The following NCOA2 variants were observed in gnomAD, a reference collection of about 807,000 sequenced individuals.
NCOA2 encodes class E basic helix-loop-helix protein 75.
Under a neutral mutation model 145.1 loss-of-function variants are expected in NCOA2, and 21 were observed. The ratio of observed to expected loss-of-function variants is 0.14; its 90% CI spans 0.10 to 0.21. The LOEUF is 0.21. Among genes scored for constraint, NCOA2 ranks in the 10% least tolerant of loss-of-function variants. The pLI is 1.00. For synonymous variants in NCOA2, 619 were observed against 637.5 expected, an observed-to-expected ratio of 0.97 and a Z score of 0.44; for missense variants, 1,472 against 1,837.6, an observed-to-expected ratio of 0.80 and a Z score of 3.64.
upstream of NCOA2, among the ~76,000 whole-genome samples, chr8:70,407,443 T>C (rs930724354): frequency 1.3e-5 from 2 of 152,136 alleles, no homozygotes; most frequent in East Asian, 3.8e-4. Context: ...TCGCTGCATA[T>C]CTAAGATTGT....
chr8:70,290,648 A>C (rs1220875577), intron 2 of NCOA2, among the ~76,000 whole-genome samples: 1 of 152,162 alleles, frequency 6.6e-6, no homozygotes, highest in East Asian at 1.9e-4. Context: ...CTAGCAATAC[A>C]AGTCAAAATA....
chr8:70,412,662 A>AC, the NCOA2 span, among the ~76,000 whole-genome samples: 3 of 149,406 alleles, frequency 2.0e-5, no homozygotes, highest in Admixed American at 6.7e-5. Context: ...AAAAAAAAAA[A>AC]AAAAAAAAAC....
intron 11 of NCOA2, among the ~76,000 whole-genome samples, chr8:70,151,064 T>G (rs1329833035): frequency 6.6e-6 from 1 of 152,176 alleles, no homozygotes; most frequent in East Asian, 1.9e-4. Flanking sequence ...AGAAGCTCCA[T>G]GTGTGGGGGT....
At chr8:70,290,379 G>A (rs1457456858) in intron 2 of NCOA2, among the ~76,000 whole-genome samples, 8 of 151,828 alleles carry the variant, frequency 5.3e-5, no homozygotes, top group African/African-American at 1.7e-4. Flanking sequence ...TAGTAGACAC[G>A]GGGTTTCACC....
At chr8:70,197,392 A>ACCC (rs1274405589) in intron 4 of NCOA2, among the ~76,000 whole-genome samples, 3 of 152,080 alleles carry the variant, frequency 2.0e-5, no homozygotes, top group Non-Finnish European at 4.4e-5. Context: ...GCCAAGCTGG[A>ACCC]CCCCCACTGG....
At chr8:70,175,823 A>C (rs1023934181) in intron 4 of NCOA2, among the ~76,000 whole-genome samples, 7 of 152,248 alleles carry the variant, frequency 4.6e-5, no homozygotes, top group South Asian at 2.1e-4. Context: ...GAAAACTGTA[A>C]ATCAATTTAG....
chr8:70,231,497 C>A (rs1821129338), intron 2 of NCOA2, among the ~76,000 whole-genome samples: 1 of 152,192 alleles, frequency 6.6e-6, no homozygotes, highest in Admixed American at 6.5e-5. Flanking sequence ...GCTTTTGAAA[C>A]CATAGTTTTC....
At chr8:70,361,579 T>C (rs1184335322) in intron 1 of NCOA2, among the ~76,000 whole-genome samples, 1 of 152,236 alleles carries the variant, frequency 6.6e-6, no homozygotes, top group East Asian at 1.9e-4. Context: ...AACTCTTTAA[T>C]ATGCATAAAA....
intron 1 of NCOA2, among the ~76,000 whole-genome samples, chr8:70,381,502 G>A (rs12678300): frequency 0.11 from 15,982 of 152,166 alleles, 1,285 homozygotes; most frequent in East Asian, 0.41. Flanking sequence ...GGAACCCTAC[G>A]AAGGTATAAT....
intron 1 of NCOA2, among the ~76,000 whole-genome samples, chr8:70,368,894 T>G (rs149520143): frequency 1.3e-4 from 20 of 152,336 alleles, no homozygotes; most frequent in African/African-American, 4.6e-4. Flanking sequence ...TGGCTGCTTA[T>G]GTACTCTGTA....
chr8:70,229,286 T>C (rs936131636), intron 2 of NCOA2, among the ~76,000 whole-genome samples: 12 of 152,158 alleles, frequency 7.9e-5, no homozygotes, highest in Non-Finnish European at 1.8e-4. Flanking sequence ...TTTGATCTCA[T>C]GAAATGCAAG....
intron 1 of NCOA2, among the ~76,000 whole-genome samples, chr8:70,384,629 A>C (rs1326229602): frequency 6.6e-6 from 1 of 152,192 alleles, no homozygotes; most frequent in African/African-American, 2.4e-5. Flanking sequence ...TTCTTGGATT[A>C]TTTTCCATAT....
At chr8:70,157,917 A>C (rs976385907) in intron 10 of NCOA2, among the ~76,000 whole-genome samples, 2 of 152,218 alleles carry the variant, frequency 1.3e-5, no homozygotes, top group African/African-American at 4.8e-5. Context: ...TTGGGATCTT[A>C]TTCTTCTACT....
intron 1 of NCOA2, among the ~76,000 whole-genome samples, chr8:70,382,990 C>T (rs899883335): frequency 3.3e-4 from 50 of 152,268 alleles, no homozygotes; most frequent in African/African-American, 1.2e-3. Context: ...AATAAATGTT[C>T]CTATTTCAAG....
In NCOA2 at chr8:70,156,886, G is replaced by C. The variant is rs749988141; in HGVS notation, c.1479C>G (p.Ser493Arg). 1 of 1,614,016 alleles carries C rather than the reference G, an allele frequency of 6.2e-7. No homozygotes were observed. The highest frequency in any genetic ancestry group is 1.1e-5 in the South Asian group (1 of 91,080). The change falls in exon 11 of 23, where the codon AGC (serine) becomes AGG (arginine). Residue 493 changes from serine (S) to arginine (R), a missense_variant. Around this residue, in one of 4 missense-constraint regions of NCOA2, gnomAD observed 953 missense variants for 1,062.1 expected, o/e 0.90. Coordinates refer to ENST00000452400, the MANE Select transcript of NCOA2 (RefSeq NM_006540.4). ...TSMLSPRHRMSPGVAGSPRIP... is the reference protein window; with the variant it reads ...TSMLSPRHRMRPGVAGSPRIP... ...TTCGAGGGCTGCCAGCCACTCCAGGGCTCATGCGATGCCTTGGTGAAAGCA... is the reference window on the plus strand; with the variant it reads ...TTCGAGGGCTGCCAGCCACTCCAGGCCTCATGCGATGCCTTGGTGAAAGCA...
At chr8:70,260,928 C>T (rs957508535) in intron 2 of NCOA2, among the ~76,000 whole-genome samples, 20 of 152,144 alleles carry the variant, frequency 1.3e-4, no homozygotes, top group African/African-American at 4.8e-4. Context: ...GTTAGAATGG[C>T]AATCATTAAA....
At chr8:70,290,811 A>T (rs1826621329) in intron 2 of NCOA2, among the ~76,000 whole-genome samples, 3 of 143,552 alleles carry the variant, frequency 2.1e-5, no homozygotes, top group Admixed American at 6.8e-5. Flanking sequence ...ATTTCAGCTT[A>T]AAAAAAAAAC....
intron 4 of NCOA2, among the ~76,000 whole-genome samples, chr8:70,209,425 G>C (rs544362536): frequency 1.3e-5 from 2 of 152,188 alleles, no homozygotes; most frequent in African/African-American, 2.4e-5. Context: ...GGGTTTGAGA[G>C]GACTGATTCC....
intron 5 of NCOA2, among the ~76,000 whole-genome samples, chr8:70,172,042 C>T (rs1039356500): frequency 1.3e-5 from 2 of 152,150 alleles, no homozygotes; most frequent in Admixed American, 6.5e-5. Flanking sequence ...CCAAGCTGGT[C>T]TTGAACTCCT....
Sources: allele counts gnomAD v4.1 joint callset (sites outside exome capture counted in the v4.1 genomes callset), GRCh38; gene constraint gnomAD v4.1.1; regional missense constraint gnomAD v4.1.1; transcripts MANE v1.5; gene names NCBI Gene and HGNC (gene_info 2026-07-23, HGNC 2026-07-21).